RCC1: variants seen among roughly 807,000 people sequenced by gnomAD.
RCC1 encodes the protein regulator of chromosome condensation.
In RCC1, 11 loss-of-function variants were observed where a neutral mutation model predicts 44.4. The ratio of observed to expected loss-of-function variants is 0.25; its 90% CI spans 0.16 to 0.41. The LOEUF is 0.41. Among genes scored for constraint, RCC1 ranks in the 10% least tolerant of loss-of-function variants. The pLI, the probability that RCC1 is intolerant of heterozygous loss-of-function variation, is 1.00. For synonymous variants in RCC1, 213 were observed against 216.5 expected, an observed-to-expected ratio of 0.98 and a Z score of 0.14; for missense variants, 386 against 547.1, an observed-to-expected ratio of 0.71 and a Z score of 2.94.
At chr1:28,524,420 G>T (rs1406540835) in intron 4 of RCC1, among the ~76,000 whole-genome samples, 2 of 152,180 alleles carry the variant, frequency 1.3e-5, no homozygotes, top group Non-Finnish European at 2.9e-5. Context: ...CAAGCCAAGT[G>T]CTGTGGCACG....
At chr1:28,526,839 G>A (rs1570199122) in intron 4 of RCC1, 3 of 605,642 alleles carry the variant, frequency 5.0e-6, no homozygotes, top group East Asian at 2.8e-5. Flanking sequence ...GGAGGTTGCA[G>A]TGAGCCGAGA....
intron 7 of RCC1, 142 bp downstream of exon 7, chr1:28,532,492 C>A: frequency 1.2e-6 from 1 of 869,500 alleles, no homozygotes; most frequent in Non-Finnish European, 1.8e-6. Context: ...GGCCCAGACC[C>A]AGGACTCTAG....
At chr1:28,525,351 A>G (rs1196227310) in intron 4 of RCC1, among the ~76,000 whole-genome samples, 2 of 152,166 alleles carry the variant, frequency 1.3e-5, no homozygotes, top group Non-Finnish European at 2.9e-5. Flanking sequence ...AATTGGGCAT[A>G]AGACAATATG....
intron 4 of RCC1, among the ~76,000 whole-genome samples, chr1:28,523,031 T>TC (rs1480692804): frequency 7.3e-6 from 1 of 137,420 alleles, no homozygotes; most frequent in Non-Finnish European, 1.6e-5. Flanking sequence ...AAATTTCTTT[T>TC]TTTTTTTTTT....
At chr1:28,524,214 A>G (rs1462684197) in intron 4 of RCC1, among the ~76,000 whole-genome samples, 1 of 152,196 alleles carries the variant, frequency 6.6e-6, no homozygotes, top group Non-Finnish European at 1.5e-5. Context: ...TTGAATGAAA[A>G]CACCTAGCAA....
Position 28,535,139 on chromosome 1 carries a change from G to C in RCC1, c.531G>C (p.Val177=), listed in dbSNP as rs761040336. ...QVQLDVPVVK[V]ASGNDHLVML... ...AGCTGGATGTGCCTGTGGTAAAGGT[G>C]GCCTCAGGTGGGTCTGGGGGCACTT... is the stretch of plus-strand genomic sequence containing the variant. The change falls in exon 8 of 13, where the codon GTG becomes GTC. Residue 177 remains valine, a synonymous_variant. Transcript: ENST00000683442. 3.7e-6 allele frequency: 6 copies of C among 1,614,088 alleles called. No individual in the cohort carries two copies. The South Asian group carries it at 6.6e-5, about 18-fold the overall frequency.
At chr1:28,533,845 C>CTTTTCTTTTTTTTTTTTTTTT (rs1664357038) in intron 7 of RCC1, among the ~76,000 whole-genome samples, 1 of 46,870 alleles carries the variant, frequency 2.1e-5, no homozygotes, top group Admixed American at 3.7e-4. Context: ...CTTTTCTTTT[C>CTTTTCTTTTTTTTTTTTTTTT]TTTTTTTTTT....
chr1:28,535,285 C>G lies in RCC1; in HGVS notation c.566C>G (p.Ala189Gly), dbSNP rs1459004932. Reference sequence around the variant, plus strand: ...AACGACCACTTGGTGATGCTGACAGCTGATGGTGACCTCTACACCTTGGGC... The same window carrying G: ...AACGACCACTTGGTGATGCTGACAGGTGATGGTGACCTCTACACCTTGGGC... ...SGNDHLVMLT[A>G]DGDLYTLGCG... The change falls in exon 9 of 13, where the codon GCT (alanine) becomes GGT (glycine). Residue 189 changes from alanine to glycine, a missense_variant. By Grantham distance (60) the Ala-to-Gly change is moderately conservative (BLOSUM62 0). Transcript: ENST00000683442. 6.2e-7 allele frequency: 1 copy of G among 1,614,230 alleles called. No homozygotes were observed. Among genetic ancestry groups the G allele is most frequent in the Non-Finnish European group, 8.5e-7 (1 of 1,180,034 alleles).
chr1:28,516,201 A>G (rs190711066), intron 3 of RCC1, among the ~76,000 whole-genome samples: 2 of 150,868 alleles, frequency 1.3e-5, no homozygotes, highest in Non-Finnish European at 3.0e-5. Context: ...ACATGGAGAA[A>G]CCCCATCTCT....
At chr1:28,533,830 C>T (rs375794672) in intron 7 of RCC1, among the ~76,000 whole-genome samples, 65 of 38,220 alleles carry the variant, frequency 1.7e-3, no homozygotes, top group South Asian at 5.0e-3. Flanking sequence ...ATATTTTTTT[C>T]TTTTCTTTTC....
chr1:28,535,609 G>C, intron 9 of RCC1: 1 of 788,218 alleles, frequency 1.3e-6, no homozygotes, highest in South Asian at 1.5e-5. Context: ...TACTTCATTA[G>C]GTTGCTGTGA....
Position 28,529,933 on chromosome 1 carries a change from G to A in RCC1, c.67G>A (p.Val23Met). The part of the protein sequence containing the change: ...PADAIPKSKK[V>M]KVSHRSHSTE... ...AGATGCCATCCCCAAAAGCAAGAAG[G>A]TGAAGGGTAAGTTGGCCTTGGCCTC... Residue 23 changes from valine (V) to methionine (M), a missense_variant, in exon 5 of 13, where the codon GTG becomes ATG. Transcript: ENST00000683442. The A allele has an allele frequency of 6.2e-7, 1 of 1,613,822 alleles. No homozygotes were observed.
At chr1:28,506,185 G>A (rs6656720) in intron 1 of RCC1, 101 bp downstream of exon 1, 25,112 of 443,708 alleles carry the variant, frequency 0.057, 2,347 homozygotes, top group African/African-American at 0.3. Context: ...AGATCATATA[G>A]TATTTTATTT....
intron 7 of RCC1, chr1:28,532,624 T>G (rs1313047817): frequency 1.9e-6 from 1 of 521,066 alleles, no homozygotes; most frequent in East Asian, 4.3e-5. Flanking sequence ...CCAGGAGGCC[T>G]GCTGTCTTCA....
At chr1:28,510,887 T>C (rs1662485167) in intron 3 of RCC1, 1 of 152,236 alleles carries the variant, frequency 6.6e-6, no homozygotes, top group Non-Finnish European at 1.5e-5. Context: ...GTGATTTTTT[T>C]CTGAACCAGT....
chr1:28,530,163 A>C (rs75050531), intron 5 of RCC1, among the ~76,000 whole-genome samples: 40,342 of 151,220 alleles, frequency 0.27, 5,545 homozygotes, highest in Middle Eastern at 0.35. Context: ...GGCACAAAAA[A>C]AAAAAAAAAA....
intron 3 of RCC1, among the ~76,000 whole-genome samples, chr1:28,511,847 TAG>T (rs1379093035): frequency 6.6e-6 from 1 of 151,178 alleles, no homozygotes; most frequent in Non-Finnish European, 1.5e-5. Context: ...CATTTTTTAG[TAG>T]AGACGGGTTT....
intron 3 of RCC1, among the ~76,000 whole-genome samples, chr1:28,514,770 AAAAC>A (rs1451235943): frequency 1.3e-5 from 2 of 152,164 alleles, no homozygotes; most frequent in Admixed American, 6.5e-5. Flanking sequence ...TCAAAAAAAA[AAAAC>A]AATCTTCCGG....
intron 1 of RCC1, chr1:28,507,325 T>G (rs907716224): frequency 9.8e-6 from 5 of 512,710 alleles, no homozygotes; most frequent in Non-Finnish European, 2.0e-5. Flanking sequence ...ATGAAATTGT[T>G]TCCTATTGGA....
Sources: allele counts gnomAD v4.1 joint callset (sites outside exome capture counted in the v4.1 genomes callset), GRCh38; gene constraint gnomAD v4.1.1; transcripts MANE v1.5; gene names NCBI Gene and HGNC (gene_info 2026-07-23, HGNC 2026-07-21).